Variants in AFTPH observed in about 807,000 individuals in gnomAD.
The protein encoded by AFTPH is aftiphilin.
AFTPH carries 7 observed loss-of-function variants against 72.5 expected under a neutral mutation model. The ratio of observed to expected loss-of-function variants is 0.10; its 90% CI spans 0.05 to 0.18. AFTPH has a LOEUF of 0.18. Ranked by LOEUF, AFTPH falls within the 10% of genes least tolerant of loss-of-function variation. The pLI is 1.00. For missense variants in AFTPH, 979 were observed against 1,060.5 expected (o/e 0.92, Z 1.07); for synonymous variants, 337 against 370.1 (o/e 0.91, Z 1.03).
intron 7 of AFTPH, among the ~76,000 whole-genome samples, chr2:64,582,621 C>CG (rs3841895): frequency 0.014 from 2,193 of 152,058 alleles, 54 homozygotes; most frequent in East Asian, 0.11. Flanking sequence ...AGAATACTTA[C>CG]GGGGGGGTAG....
chr2:64,541,382 G>A (rs1490030051), intron 1 of AFTPH, among the ~76,000 whole-genome samples: 8 of 152,004 alleles, frequency 5.3e-5, no homozygotes, highest in African/African-American at 1.9e-4. Context: ...TTAATTAGAG[G>A]CTCTGCCTGT....
exon 1 of AFTPH, chr2:64,524,557 C>A: frequency 2.5e-6 from 1 of 399,090 alleles, no homozygotes; most frequent in South Asian, 1.3e-4. Flanking sequence ...CCCGGGGAGT[C>A]AGTTCCTCCC....
rs191482101 is a variant in AFTPH, at chr2:64,547,905, C to T, written c.-32-3538C>T. 1.1e-4 allele frequency among the ~76,000 whole-genome samples: 16 copies of T among 152,176 alleles called. No individual in the cohort carries two copies. The East Asian group carries it at 2.9e-3, about 28-fold the overall frequency. Reference sequence around the variant, plus strand: ...GACCCAAGCAATCCTCCCACCTTAGCCTCCCAAGTAGCTGGACTACAGGTG... The same window carrying T: ...GACCCAAGCAATCCTCCCACCTTAGTCTCCCAAGTAGCTGGACTACAGGTG... On this transcript the variant is annotated intron_variant, in intron 1 of 8. Transcript: ENST00000238856.
At position 64,572,963 on chromosome 2, in the gene AFTPH, C is replaced by G. The variant is rs143312110; in HGVS notation, c.2289C>G (p.Thr763=). ...TTTTTCAGGGTATGTTAGAGCCCACCAAGGAACCACTGAAACCACTTTCTG... is the reference window on the plus strand; with the variant it reads ...TTTTTCAGGGTATGTTAGAGCCCACGAAGGAACCACTGAAACCACTTTCTG... The change falls in exon 6 of 9, where the codon ACC becomes ACG. Residue 763 remains threonine, a synonymous_variant. Coordinates refer to ENST00000238856, the Ensembl canonical transcript of AFTPH. 5 of 1,613,888 alleles carry G rather than the reference C, an allele frequency of 3.1e-6. No individual in the cohort carries two copies. In the African/African-American group the frequency reaches 6.7e-5, roughly 22 times the overall value.
chr2:64,576,707 C>T (rs761778306), intron 6 of AFTPH, among the ~76,000 whole-genome samples: 18 of 152,120 alleles, frequency 1.2e-4, no homozygotes, highest in Non-Finnish European at 2.4e-4. Flanking sequence ...AGTTGTGAAT[C>T]AGAATTTTAG....
At chr2:64,526,357 G>A (rs1004614795) in intron 1 of AFTPH, among the ~76,000 whole-genome samples, 19 of 152,134 alleles carry the variant, frequency 1.2e-4, no homozygotes, top group African/African-American at 4.3e-4. Context: ...TCCTCAGCAG[G>A]CAAAGTCTTT....
chr2:64,534,653 G>A (rs879894169), intron 1 of AFTPH, among the ~76,000 whole-genome samples: 1 of 152,000 alleles, frequency 6.6e-6, no homozygotes, highest in Non-Finnish European at 1.5e-5. Flanking sequence ...TCTGGAAGTA[G>A]GGAAGTTTTT....
chr2:64,569,173 C>T (rs1274309112), exon 4 of AFTPH: 2 of 1,613,914 alleles, frequency 1.2e-6, no homozygotes, highest in Non-Finnish European at 1.7e-6. Context: ...GCTCCCATAG[C>T]AACAAGAAGC....
intron 1 of AFTPH, among the ~76,000 whole-genome samples, chr2:64,537,629 T>A (rs1303879792): frequency 1.3e-5 from 2 of 152,224 alleles, no homozygotes; most frequent in African/African-American, 4.8e-5. Flanking sequence ...TGAAAATTGT[T>A]AAAATTTGCC....
intron 2 of AFTPH, among the ~76,000 whole-genome samples, chr2:64,560,728 C>G (rs1375127196): frequency 6.6e-6 from 1 of 152,132 alleles, no homozygotes; most frequent in Non-Finnish European, 1.5e-5. Flanking sequence ...CAAAAGTTAG[C>G]TAGGCATGGT....
At position 64,568,965 on chromosome 2, in the gene AFTPH, T is replaced by G. The variant is rs186215383; in HGVS notation, c.2088-127T>G. On this transcript the variant is annotated intron_variant, in intron 3 of 8. Transcript: ENST00000238856. The stretch of plus-strand genomic sequence containing the variant: ...TTGGCTCTTGATTTCATTCAAATAG[T>G]TATACACTTACGTTGGACCCAAGAG... 8.4e-5 allele frequency: 84 copies of G among 1,005,678 alleles called. 2 individuals carry two copies. The Middle Eastern group carries it at 1.5e-3, about 18-fold the overall frequency. The allele number at this position is 1,005,678 out of a possible 1,614,324, so 62.3% of individuals were successfully genotyped here.
chr2:64,551,680 A>C, exon 2 of AFTPH: 1 of 1,614,024 alleles, frequency 6.2e-7, no homozygotes, highest in Non-Finnish European at 8.5e-7. Context: ...ATGCCAATTC[A>C]TGAATTCTCA....
At chr2:64,544,037 T>G (rs1044874236) in intron 1 of AFTPH, among the ~76,000 whole-genome samples, 26 of 152,224 alleles carry the variant, frequency 1.7e-4, no homozygotes, top group Admixed American at 1.3e-4. Context: ...CTAAACTGTT[T>G]CCCTGACCCC....
chr2:64,562,552 C>T (rs970455330), intron 2 of AFTPH, among the ~76,000 whole-genome samples: 1 of 152,162 alleles, frequency 6.6e-6, no homozygotes, highest in Non-Finnish European at 1.5e-5. Context: ...AGCCTCTCCA[C>T]TTAATATTCA....
chr2:64,528,956 A>G (rs1366433283), intron 1 of AFTPH, among the ~76,000 whole-genome samples: 1 of 152,202 alleles, frequency 6.6e-6, no homozygotes, highest in Non-Finnish European at 1.5e-5. Flanking sequence ...ATGTAAGAAT[A>G]GAAGCAGAGT....
intron 6 of AFTPH, among the ~76,000 whole-genome samples, chr2:64,577,685 G>A (rs897819949): frequency 3.9e-5 from 6 of 152,162 alleles, no homozygotes; most frequent in African/African-American, 7.2e-5. Flanking sequence ...ATCAGCTAAA[G>A]AAGATATTTC....
chr2:64,524,944 G>A (rs979920142), intron 1 of AFTPH, among the ~76,000 whole-genome samples: 2 of 152,228 alleles, frequency 1.3e-5, no homozygotes, highest in Non-Finnish European at 2.9e-5. Context: ...CTCCGCGCTG[G>A]CTGCGTTCTC....
chr2:64,529,358 ATCTTTT>A (rs1477660314), intron 1 of AFTPH, among the ~76,000 whole-genome samples: 1 of 143,700 alleles, frequency 7.0e-6, no homozygotes, highest in Non-Finnish European at 1.5e-5. Context: ...ATCAAGTGTG[ATCTTTT>A]TCTTAGAATC....
intron 2 of AFTPH, among the ~76,000 whole-genome samples, chr2:64,559,948 C>CCTGCCT (rs1411901199): frequency 1.3e-5 from 2 of 152,154 alleles, no homozygotes; most frequent in East Asian, 3.9e-4. Flanking sequence ...AAGCAATCTG[C>CCTGCCT]CTGCCTCTGC....
Sources: allele counts gnomAD v4.1 joint callset (sites outside exome capture counted in the v4.1 genomes callset), GRCh38; gene constraint gnomAD v4.1.1; transcripts MANE v1.5; gene names NCBI Gene and HGNC (gene_info 2026-07-23, HGNC 2026-07-21).